The following SLC35D4 variants were observed in gnomAD, a reference collection of about 807,000 sequenced individuals.
SLC35D4 encodes the protein solute carrier family 35 member D4, also known as UDP-N-acetylglucosamine transporter SLC35D4.
chr18:23,369,170 T>A, the SLC35D4 span, among the ~76,000 whole-genome samples: 1 of 152,264 alleles, frequency 6.6e-6, no homozygotes, highest in African/African-American at 2.4e-5. Context: ...CAACCAGGCA[T>A]CCTGTATTTT....
chr18:23,329,712 A>T, the SLC35D4 span, among the ~76,000 whole-genome samples: 1 of 152,328 alleles, frequency 6.6e-6, no homozygotes, highest in East Asian at 1.9e-4. Flanking sequence ...CTGGGTATAT[A>T]CCCAAAGGAT....
the SLC35D4 span, among the ~76,000 whole-genome samples, chr18:23,423,066 A>G: frequency 7.8e-3 from 1,192 of 152,172 alleles, 23 homozygotes; most frequent in African/African-American, 0.027. Flanking sequence ...GTCCTTCGGG[A>G]CTTGCACCCG....
the SLC35D4 span, among the ~76,000 whole-genome samples, chr18:23,256,150 T>C: frequency 6.6e-6 from 1 of 152,182 alleles, no homozygotes; most frequent in South Asian, 2.1e-4. Context: ...CAACATCTGC[T>C]CTGTGGGTAG....
the SLC35D4 span, among the ~76,000 whole-genome samples, chr18:23,415,198 G>A: frequency 2.0e-5 from 3 of 152,300 alleles, no homozygotes; most frequent in Middle Eastern, 3.4e-3. Context: ...TATAAACAGT[G>A]CTAAGTTAAT....
chr18:23,393,889 G>A, the SLC35D4 span, among the ~76,000 whole-genome samples: 2 of 152,198 alleles, frequency 1.3e-5, no homozygotes, highest in African/African-American at 2.4e-5. Context: ...AAAGTGCTGG[G>A]ATTGTGGGTG....
the SLC35D4 span, among the ~76,000 whole-genome samples, chr18:23,300,778 C>A: frequency 6.6e-6 from 1 of 152,198 alleles, no homozygotes; most frequent in Non-Finnish European, 1.5e-5. Context: ...TTCATGTAAC[C>A]AAGGCATAAA....
At chr18:23,309,602 C>T in the SLC35D4 span, 10 of 1,332,710 alleles carry the variant, frequency 7.5e-6, no homozygotes, top group Non-Finnish European at 1.1e-5. Flanking sequence ...CTTTCTGCAA[C>T]ATTTGAGAGC....
At chr18:23,363,842 G>A in the SLC35D4 span, among the ~76,000 whole-genome samples, 1 of 152,146 alleles carries the variant, frequency 6.6e-6, no homozygotes, top group Non-Finnish European at 1.5e-5. Flanking sequence ...GGCTTCACAG[G>A]ACTTATTATT....
the SLC35D4 span, among the ~76,000 whole-genome samples, chr18:23,246,265 C>CAAA: frequency 5.4e-3 from 767 of 140,772 alleles, 9 homozygotes; most frequent in African/African-American, 0.018. Context: ...GACTCCATCT[C>CAAA]AAAAAAAAAA....
At chr18:23,269,750 G>C in the SLC35D4 span, among the ~76,000 whole-genome samples, 4 of 152,314 alleles carry the variant, frequency 2.6e-5, no homozygotes, top group African/African-American at 7.2e-5. Flanking sequence ...AACTTGTTGG[G>C]AACTGGAATA....
the SLC35D4 span, among the ~76,000 whole-genome samples, chr18:23,345,481 CAAAAAAAAAAAAAA>C: frequency 0.24 from 13,795 of 57,434 alleles, 917 homozygotes; most frequent in Middle Eastern, 0.42. Context: ...GACTCCATCT[CAAAAAAAAAAAAAA>C]AAAAAAAAAA....
At chr18:23,416,469 T>G in the SLC35D4 span, among the ~76,000 whole-genome samples, 1 of 152,166 alleles carries the variant, frequency 6.6e-6, no homozygotes, top group Admixed American at 6.5e-5. Flanking sequence ...TTCACTTCCC[T>G]AATGACATAA....
chr18:23,402,437 C>G, the SLC35D4 span, among the ~76,000 whole-genome samples: 3 of 152,076 alleles, frequency 2.0e-5, no homozygotes, highest in African/African-American at 7.2e-5. Context: ...AAACGAAAAG[C>G]CTTACCACAA....
At chr18:23,416,188 G>A in the SLC35D4 span, among the ~76,000 whole-genome samples, 1 of 152,228 alleles carries the variant, frequency 6.6e-6, no homozygotes, top group African/African-American at 2.4e-5. Context: ...TCCAGCTTGT[G>A]TGATAAGAGC....
chr18:23,307,610 G>T, the SLC35D4 span, among the ~76,000 whole-genome samples: 1 of 152,240 alleles, frequency 6.6e-6, no homozygotes, highest in Non-Finnish European at 1.5e-5. Context: ...TCAGATGAGA[G>T]CTCCGAGGCC....
chr18:23,409,820 G>T, the SLC35D4 span, among the ~76,000 whole-genome samples: 3 of 149,482 alleles, frequency 2.0e-5, no homozygotes, highest in Non-Finnish European at 4.4e-5. Flanking sequence ...CTCCAGCCTG[G>T]GCGACAGAGC....
chr18:23,435,809 C>A, the SLC35D4 span, among the ~76,000 whole-genome samples: 1 of 152,216 alleles, frequency 6.6e-6, no homozygotes, highest in African/African-American at 2.4e-5. Context: ...GATTCTCATG[C>A]CTCAGCCTCC....
chr18:23,275,113 T>C, the SLC35D4 span, among the ~76,000 whole-genome samples: 1 of 151,526 alleles, frequency 6.6e-6, no homozygotes, highest in African/African-American at 2.4e-5. Context: ...TTTTTGTGTG[T>C]GCATGTGTGT....
chr18:23,385,679 A>G, the SLC35D4 span, among the ~76,000 whole-genome samples: 7 of 152,192 alleles, frequency 4.6e-5, no homozygotes, highest in Admixed American at 3.9e-4. Context: ...TTCACAGGCC[A>G]CACTGGGAAA....
Sources: allele counts gnomAD v4.1 joint callset (sites outside exome capture counted in the v4.1 genomes callset), GRCh38; gene constraint gnomAD v4.1.1; transcripts MANE v1.5; gene names NCBI Gene and HGNC (gene_info 2026-07-23, HGNC 2026-07-21).